Variants in SHPRH observed in about 807,000 individuals in gnomAD.
SHPRH encodes E3 ubiquitin-protein ligase SHPRH.
SHPRH carries 106 observed loss-of-function variants against 202.5 expected under a neutral mutation model. The observed-to-expected ratio is 0.52, with a 90% confidence interval of 0.45 to 0.62. SHPRH has a LOEUF of 0.62. Ranked by LOEUF, SHPRH falls within the 20% of genes least tolerant of loss-of-function variation. The pLI is 0.00. For missense variants in SHPRH, 1,710 were observed against 2,020.0 expected, an observed-to-expected ratio of 0.85 and a Z score of 2.94; for synonymous variants, 729 against 686.0, an observed-to-expected ratio of 1.06 and a Z score of -0.98.
intron 22 of SHPRH, chr6:145,919,133 A>T (rs1320016470): frequency 1.9e-6 from 1 of 522,586 alleles, no homozygotes; most frequent in African/African-American, 2.0e-5. Flanking sequence ...AGATGCCCCA[A>T]AATAGTGAAC....
rs1336644044 is a variant in SHPRH, at chr6:145,885,678, T to G, written c.*1013A>C. 2.0e-5 allele frequency: 3 copies of G among 152,176 alleles called. No homozygotes were observed. Among genetic ancestry groups the G allele is most frequent in the Non-Finnish European group, 4.4e-5 (3 of 68,010 alleles). 9.4% of individuals were successfully genotyped at this position (152,176 alleles called of 1,614,324 possible). On this transcript the variant is annotated 3_prime_UTR_variant, in exon 30 of 30. Coordinates refer to ENST00000275233, the MANE Select transcript of SHPRH (RefSeq NM_001042683.3). ...TTATTATCACTTGCAACGATTTGCT[T>G]ATGTGAACATGGCATTCTCTTGTTC...
rs1786996591 is a variant in SHPRH, at chr6:145,943,326, A to T, written c.2055T>A (p.His685Gln). 6.2e-7 allele frequency: 1 copy of T among 1,613,748 alleles called. No homozygotes were observed. The highest frequency in any genetic ancestry group is 8.5e-7 in the Non-Finnish European group (1 of 1,179,930). ...TCTCATCATAATTCACACACTTTGC[A>T]TGTTGCCACAGGTGACACTTCAGGC... is the stretch of plus-strand genomic sequence containing the variant. Reference protein sequence around the residue: ...VQCLKCHLWQHAKCVNYDEKN... With the variant: ...VQCLKCHLWQQAKCVNYDEKN... Residue 685 changes from histidine to glutamine, a missense_variant, in exon 9 of 30, where the codon CAT (histidine) becomes CAA (glutamine). By Grantham distance (24) the His-to-Gln change is conservative (BLOSUM62 0). Coordinates refer to ENST00000275233, the MANE Select transcript of SHPRH (RefSeq NM_001042683.3).
In SHPRH at chr6:145,943,355, G is replaced by C; in HGVS notation, c.2026C>G (p.Gln676Glu). 6.2e-7 allele frequency: 1 copy of C among 1,613,942 alleles called. No homozygotes were observed. Among genetic ancestry groups the C allele is most frequent in the East Asian group, 2.2e-5 (1 of 44,860 alleles). Residue 676 changes from glutamine to glutamate, a missense_variant, in exon 9 of 30, where the codon CAA becomes GAA. Coordinates refer to ENST00000275233, the MANE Select transcript of SHPRH (RefSeq NM_001042683.3). ...TGCCACAGGTGACACTTCAGGCATT[G>C]AACACGAGGCTTACGATCTATCTGA... The part of the protein sequence containing the change: ...LDQIDRKPRV[Q>E]CLKCHLWQHA...
Position 145,950,379 on chromosome 6 carries a change from C to G in SHPRH, c.867G>C (p.Gln289His), listed in dbSNP as rs768323052. The G allele has an allele frequency of 7.1e-5, 114 of 1,613,316 alleles. No homozygotes were observed. In the Middle Eastern group the frequency reaches 2.6e-3, roughly 37 times the overall value. The change falls in exon 4 of 30, where the codon CAG becomes CAC. Residue 289 changes from glutamine (Q) to histidine (H), a missense_variant. Physicochemically the swap from Gln to His is conservative, Grantham distance 24. Coordinates refer to ENST00000275233, the MANE Select transcript of SHPRH (RefSeq NM_001042683.3). ...GATGCTGGACATCCACTTGGATGGA[C>G]TGCGTTTCTTGCTGATGTGTTTGTT... ...FVKQTHQQETQSIQVDVQHPA... is the reference protein window; with the variant it reads ...FVKQTHQQETHSIQVDVQHPA...
rs1787613243 is a variant in SHPRH at position 145,948,364 on chromosome 6, T to A, written c.983-14A>T. The A allele has an allele frequency of 6.3e-7, 1 of 1,583,236 alleles. No homozygotes were observed. The highest frequency in any genetic ancestry group is 1.8e-5 in the Admixed American group (1 of 55,488). ...GCAGGGCACTTTCTAAAGAAAAATA[T>A]AATCATAATAACAAATTTTTGTTTT... is the stretch of plus-strand genomic sequence containing the variant. On this transcript the variant is annotated splice_polypyrimidine_tract_variant and intron_variant, in intron 4 of 29. Coordinates refer to ENST00000275233, the MANE Select transcript of SHPRH (RefSeq NM_001042683.3).
At chr6:145,895,097 A>T in intron 25 of SHPRH, 120 bp from the exon 26 acceptor site, 1 of 829,136 alleles carries the variant, frequency 1.2e-6, no homozygotes, top group Non-Finnish European at 1.9e-6. Context: ...ACAAATTATC[A>T]GGTGCATATG....
intron 2 of SHPRH, among the ~76,000 whole-genome samples, chr6:145,869,101 T>A (rs747137158): frequency 6.6e-6 from 1 of 152,230 alleles, no homozygotes; most frequent in Non-Finnish European, 1.5e-5. Flanking sequence ...TGTATCAATA[T>A]CTTGTTTCAA....
At chr6:145,915,175 A>G (rs1783839740) in intron 23 of SHPRH, among the ~76,000 whole-genome samples, 2 of 147,896 alleles carry the variant, frequency 1.4e-5, no homozygotes, top group Admixed American at 1.4e-4. Context: ...ATAAATATAA[A>G]TATTATAATA....
intron 11 of SHPRH, among the ~76,000 whole-genome samples, chr6:145,939,157 G>C (rs1393175537): frequency 1.3e-5 from 2 of 152,012 alleles, no homozygotes; most frequent in African/African-American, 4.8e-5. Flanking sequence ...TTCCTAGTGT[G>C]ACAACTAGAA....
At chr6:145,859,866 T>C (rs1465825747), downstream of SHPRH, among the ~76,000 whole-genome samples, 2 of 152,030 alleles carry the variant, frequency 1.3e-5, no homozygotes, top group African/African-American at 4.8e-5. Flanking sequence ...CTCTGTTCTT[T>C]CTGAGTGGCA....
intron 8 of SHPRH, among the ~76,000 whole-genome samples, chr6:145,944,107 A>C (rs1008452715): frequency 2.0e-5 from 3 of 152,206 alleles, no homozygotes; most frequent in African/African-American, 7.2e-5. Flanking sequence ...AAATCAATAC[A>C]AGACTAGTAC....
chr6:145,876,063 TTAG>T (rs1486728244), intron 2 of SHPRH, among the ~76,000 whole-genome samples: 2 of 152,220 alleles, frequency 1.3e-5, no homozygotes, highest in Admixed American at 6.5e-5. Context: ...TCAGTGGTTT[TTAG>T]TAGATTCACA....
At chr6:145,890,113 CT>C (rs1781451952) in intron 28 of SHPRH, among the ~76,000 whole-genome samples, 1 of 152,156 alleles carries the variant, frequency 6.6e-6, no homozygotes. Context: ...ATCTCATTCT[CT>C]TCCTTTTCTC....
At chr6:145,895,614 G>C (rs537024643) in intron 25 of SHPRH, among the ~76,000 whole-genome samples, 1 of 151,664 alleles carries the variant, frequency 6.6e-6, no homozygotes, top group East Asian at 1.9e-4. Context: ...TTAAAATGGA[G>C]AAATAAGAAA....
intron 22 of SHPRH, 45 bp downstream of exon 22, chr6:145,919,303 A>T (rs774306917): frequency 6.2e-7 from 1 of 1,609,122 alleles, no homozygotes; most frequent in South Asian, 1.1e-5. Flanking sequence ...GATATCTGTG[A>T]CATCTGCTTG....
At chr6:145,925,997 T>A (rs1230171124) in intron 16 of SHPRH, among the ~76,000 whole-genome samples, 1 of 151,952 alleles carries the variant, frequency 6.6e-6, no homozygotes, top group Non-Finnish European at 1.5e-5. Context: ...ATCACATAAC[T>A]GCAGGTAGAT....
At chr6:145,892,221 T>C (rs182531897) in intron 28 of SHPRH, among the ~76,000 whole-genome samples, 43 of 152,286 alleles carry the variant, frequency 2.8e-4, no homozygotes, top group African/African-American at 9.1e-4. Context: ...TTTCCCACCA[T>C]TGTATTTTTG....
chr6:145,865,113 G>A (rs1193659593), intron 2 of SHPRH, among the ~76,000 whole-genome samples: 2 of 152,070 alleles, frequency 1.3e-5, no homozygotes, highest in Non-Finnish European at 2.9e-5. Context: ...GACCATCTCA[G>A]GTACCTGGCT....
At chr6:145,928,141 G>C (rs1245075516) in intron 14 of SHPRH, among the ~76,000 whole-genome samples, 1 of 151,968 alleles carries the variant, frequency 6.6e-6, no homozygotes, top group Non-Finnish European at 1.5e-5. Flanking sequence ...TATACTGCCT[G>C]TGGCTGCTGT....
Sources: gnomAD v4.1 joint callset for allele counts (sites outside exome capture counted in the v4.1 genomes callset) on GRCh38, gnomAD v4.1.1 for gene constraint, MANE v1.5 for transcripts, NCBI Gene and HGNC (gene_info 2026-07-23, HGNC 2026-07-21) for gene names.